Variants in ANKHD1 observed in about 807,000 individuals in gnomAD.
The protein encoded by ANKHD1 is ankyrin repeat and KH domain containing 1.
Under a neutral mutation model 230.5 loss-of-function variants are expected in ANKHD1, and 31 were observed. That is an observed-to-expected ratio of 0.13 (90% confidence interval 0.10 to 0.18). ANKHD1 has a LOEUF of 0.18. ANKHD1 is among the 10% of genes least tolerant of loss of function. The probability of loss-of-function intolerance (pLI) is 1.00; values close to 1 mark genes in which losing one functional copy is unlikely to be tolerated. For synonymous variants in ANKHD1, 1,074 were observed against 1,117.6 expected (o/e 0.96, Z 0.78); for missense variants, 2,256 against 3,071.3 (o/e 0.73, Z 6.27).
chr5:140,537,409 T>C lies in ANKHD1; in HGVS notation c.7048T>C (p.Leu2350=), dbSNP rs1220315551. 6.2e-6 allele frequency: 10 copies of C among 1,614,016 alleles called. No homozygotes were observed. The highest frequency in any genetic ancestry group is 7.6e-6 in the Non-Finnish European group (9 of 1,180,002). ...SNSSTSAPPT[L]GQPKGVSASQ... is the part of the protein sequence containing the mutation. ...TTCAGCCACTTCTGCCCCACCAACG[T>C]TGGGCCAACCAAAAGGAGTCAGTGC... The change falls in exon 31 of 34, where the codon TTG becomes CTG. Residue 2350 remains leucine, a synonymous_variant. Transcript: ENST00000360839.
intron 1 of ANKHD1, among the ~76,000 whole-genome samples, chr5:140,431,796 A>G (rs1305479460): frequency 6.6e-6 from 1 of 152,160 alleles, no homozygotes; most frequent in Non-Finnish European, 1.5e-5. Flanking sequence ...TATGCATTAT[A>G]TTTTCAGAGA....
intron 32 of ANKHD1, among the ~76,000 whole-genome samples, chr5:140,538,544 C>G (rs1581389029): frequency 6.6e-6 from 1 of 152,204 alleles, no homozygotes; most frequent in East Asian, 1.9e-4. Flanking sequence ...CATGAGTTCA[C>G]TGATGCTTTC....
intron 2 of ANKHD1, among the ~76,000 whole-genome samples, 180 bp from the exon 3 acceptor site, chr5:140,438,281 C>T (rs554089349): frequency 1.3e-5 from 2 of 152,268 alleles, no homozygotes; most frequent in South Asian, 4.2e-4. Flanking sequence ...TATGCCATGG[C>T]CTTTTGACAT....
intron 10 of ANKHD1, among the ~76,000 whole-genome samples, chr5:140,481,136 GC>G: frequency 6.6e-6 from 1 of 152,038 alleles, no homozygotes; most frequent in East Asian, 1.9e-4. Context: ...AAAACAAGTT[GC>G]TAAATGGGCA....
At position 140,440,136 on chromosome 5, in the gene ANKHD1, C is replaced by T. The variant is rs557204018; in HGVS notation, c.635C>T (p.Ala212Val). 1 of 1,608,664 alleles carries T rather than the reference C, an allele frequency of 6.2e-7. No homozygotes were observed. The highest frequency in any genetic ancestry group is 1.3e-5 in the African/African-American group (1 of 74,642). The change falls in exon 4 of 34, where the codon GCT becomes GTT. Residue 212 changes from alanine (A) to valine (V), a missense_variant. Coordinates refer to ENST00000360839, the MANE Select transcript of ANKHD1 (RefSeq NM_017747.3). The part of the protein sequence containing the change: ...GQVDTRSLAE[A>V]CSDGDVNAVR... ...GTTTCCAGTCGCAGTCTAGCAGAAG[C>T]TTGTTCAGATGGGGATGTTAATGCT...
chr5:140,438,430 G>A (rs1306470231), intron 2 of ANKHD1, 31 bp from the exon 3 acceptor site: 3 of 1,537,898 alleles, frequency 2.0e-6, no homozygotes, highest in African/African-American at 2.8e-5. Flanking sequence ...TTGTTGTTCT[G>A]CACTACCTGA....
intron 9 of ANKHD1, among the ~76,000 whole-genome samples, chr5:140,460,174 C>T (rs1382406827): frequency 1.3e-5 from 2 of 151,942 alleles, no homozygotes; most frequent in African/African-American, 4.8e-5. Context: ...TTTATTTTTA[C>T]AGAGTACTAA....
chr5:140,406,561 AT>A (rs1401314294), intron 1 of ANKHD1, among the ~76,000 whole-genome samples: 463 of 140,830 alleles, frequency 3.3e-3, no homozygotes, highest in Middle Eastern at 7.4e-3. Flanking sequence ...CTTTCAGTAC[AT>A]TTTTTTTTTT....
At position 140,410,228 on chromosome 5, in the gene ANKHD1, T is replaced by G. The variant is rs1439593364; in HGVS notation, c.306+7955T>G. On this transcript the variant is annotated intron_variant, in intron 1 of 33. Coordinates refer to ENST00000360839, the MANE Select transcript of ANKHD1 (RefSeq NM_017747.3). ...ATACAACTATGTGTATTTTCCCTACTGTTACACAGATGGTAAGATGCTATT... is the reference window on the plus strand; with the variant it reads ...ATACAACTATGTGTATTTTCCCTACGGTTACACAGATGGTAAGATGCTATT... Among the ~76,000 whole-genome samples the G allele has an allele frequency of 2.0e-5, 3 of 152,184 alleles. No individual in the cohort carries two copies. In the East Asian group the frequency reaches 5.8e-4, roughly 29 times the overall value.
At position 140,513,478 on chromosome 5, in the gene ANKHD1, A is replaced by G. The variant is rs758900662; in HGVS notation, c.4316A>G (p.Lys1439Arg). The part of the protein sequence containing the change: ...SILLKELDLE[K>R]SREESRKQAL... Reference sequence around the variant, plus strand: ...CTTTTAAAGGAACTTGATCTGGAAAAGGTGAGTGGGAAAAATAATTTTCCT... The same window carrying G: ...CTTTTAAAGGAACTTGATCTGGAAAGGGTGAGTGGGAAAAATAATTTTCCT... Residue 1439 changes from lysine to arginine, a missense_variant and splice_region_variant, in exon 24 of 34, where the codon AAG (lysine) becomes AGG (arginine). Coordinates refer to ENST00000360839, the MANE Select transcript of ANKHD1 (RefSeq NM_017747.3). The G allele has an allele frequency of 1.2e-6, 2 of 1,610,112 alleles. No homozygotes were observed. The highest frequency in any genetic ancestry group is 1.7e-4 in the Middle Eastern group (1 of 6,032).
chr5:140,492,920 A>G (rs1238562416), intron 14 of ANKHD1, among the ~76,000 whole-genome samples: 1 of 151,962 alleles, frequency 6.6e-6, no homozygotes, highest in African/African-American at 2.4e-5. Flanking sequence ...TTCACTGCCA[A>G]TAAAAAAATA....
Position 140,496,774 on chromosome 5 carries a change from A to G in ANKHD1, c.2500A>G (p.Ile834Val). Residue 834 changes from isoleucine (I) to valine (V), a missense_variant, in exon 15 of 34, where the codon ATA becomes GTA. By Grantham distance (29) the Ile-to-Val change is conservative. Transcript: ENST00000360839. ...AGAGCAAGTCCAGAAGAAGAAGAAAATATTGAAAGAACTGCAGAAAGTGGA... is the reference window on the plus strand; with the variant it reads ...AGAGCAAGTCCAGAAGAAGAAGAAAGTATTGAAAGAACTGCAGAAAGTGGA... ...REEQVQKKKKILKELQKVERQ... is the reference protein window; with the variant it reads ...REEQVQKKKKVLKELQKVERQ... The G allele has an allele frequency of 6.2e-7, 1 of 1,614,026 alleles. No individual in the cohort carries two copies. Among genetic ancestry groups the G allele is most frequent in the Non-Finnish European group, 8.5e-7 (1 of 1,180,004 alleles).
At chr5:140,499,955 G>A (rs950804253) in intron 15 of ANKHD1, among the ~76,000 whole-genome samples, 4 of 149,674 alleles carry the variant, frequency 2.7e-5, no homozygotes, top group Admixed American at 6.7e-5. Flanking sequence ...TGCAACTTCC[G>A]CCTCCTGGGT....
rs371413552 is a variant in ANKHD1 at position 140,445,819 on chromosome 5, A to G, written c.991A>G (p.Ile331Val). Residue 331 changes from isoleucine (I) to valine (V), a missense_variant, in exon 6 of 34, where the codon ATA (isoleucine) becomes GTA (valine). Coordinates refer to ENST00000360839, the MANE Select transcript of ANKHD1 (RefSeq NM_017747.3). ...VKVLLNEGAN[I>V]EDHNENGHTP... ...AGTGCTCCTTAATGAAGGTGCAAAT[A>G]TAGAAGATCATAATGAAAATGGACA... 5 of 1,613,686 alleles carry G rather than the reference A, an allele frequency of 3.1e-6. No homozygotes were observed. Among genetic ancestry groups the G allele is most frequent in the Non-Finnish European group, 4.2e-6 (5 of 1,179,848 alleles).
intron 1 of ANKHD1, among the ~76,000 whole-genome samples, chr5:140,412,271 T>C (rs1770996684): frequency 1.3e-5 from 2 of 151,854 alleles, no homozygotes; most frequent in African/African-American, 2.4e-5. Context: ...CTCCTGACCT[T>C]GTGATCTGCC....
rs185413186 is a variant in ANKHD1, at chr5:140,414,281, T to G, written c.306+12008T>G. On this transcript the variant is annotated intron_variant, in intron 1 of 33. Transcript: ENST00000360839. ...TGAGGAACTGCAATACTGTGTTCTA[T>G]ATCAGCTATATCATTTGACATTCCT... 1.7e-3 allele frequency among the ~76,000 whole-genome samples: 253 copies of G among 152,368 alleles called. 1 individual carries two copies. The highest frequency in any genetic ancestry group is 3.1e-3 in the Non-Finnish European group (209 of 68,040).
chr5:140,513,806 CAA>C (rs35403532), intron 24 of ANKHD1, among the ~76,000 whole-genome samples: 175 of 118,158 alleles, frequency 1.5e-3, no homozygotes, highest in South Asian at 3.3e-3. Flanking sequence ...GAGACTGTCT[CAA>C]AAAAAAAAAA....
chr5:140,474,835 A>C (rs1750878311), intron 10 of ANKHD1, among the ~76,000 whole-genome samples: 1 of 151,854 alleles, frequency 6.6e-6, no homozygotes, highest in Non-Finnish European at 1.5e-5. Flanking sequence ...TTATAGATAT[A>C]TTTTTAGGGA....
intron 15 of ANKHD1, among the ~76,000 whole-genome samples, chr5:140,502,039 A>G (rs80346439): frequency 7.6e-6 from 1 of 131,652 alleles, no homozygotes; most frequent in Non-Finnish European, 1.6e-5. Context: ...CTATCTCTTT[A>G]AAAAAAAAAA....
Sources: allele counts gnomAD v4.1 joint callset (sites outside exome capture counted in the v4.1 genomes callset), GRCh38; gene constraint gnomAD v4.1.1; transcripts MANE v1.5; gene names NCBI Gene and HGNC (gene_info 2026-07-23, HGNC 2026-07-21).